ACOX3: variants seen among roughly 807,000 people sequenced by gnomAD.
ACOX3 encodes the protein peroxisomal acyl-coenzyme A oxidase 3.
A neutral mutation model predicts 81.5 loss-of-function variants in ACOX3; 73 were observed. The ratio of observed to expected loss-of-function variants is 0.90; its 90% confidence interval spans 0.74 to 1.09. The LOEUF (loss-of-function observed/expected upper bound fraction) is 1.09, where lower values mean the gene tolerates loss of function less well. Among genes scored for constraint, ACOX3 ranks in the 50% least tolerant of loss-of-function variants. The pLI, the probability that ACOX3 is intolerant of heterozygous loss-of-function variation, is 0.00. For synonymous variants in ACOX3, 387 were observed against 375.1 expected, an observed-to-expected ratio of 1.03 and a Z score of -0.37; for missense variants, 947 against 928.0, an observed-to-expected ratio of 1.02 and a Z score of -0.27.
At chr4:8,401,377 C>T (rs561847083) in intron 7 of ACOX3, among the ~76,000 whole-genome samples, 15 of 152,160 alleles carry the variant, frequency 9.9e-5, no homozygotes, top group African/African-American at 3.1e-4. Flanking sequence ...CCGTTTCCTG[C>T]GTGGGCTCTT....
intron 8 of ACOX3, among the ~76,000 whole-genome samples, chr4:8,397,646 G>A (rs903344653): frequency 2.6e-5 from 4 of 152,204 alleles, no homozygotes; most frequent in East Asian, 1.9e-4. Flanking sequence ...CATCAGCGGC[G>A]TCAGCAGAGG....
intron 1 of ACOX3, among the ~76,000 whole-genome samples, chr4:8,425,583 C>G (rs1203496143): frequency 6.7e-6 from 1 of 149,670 alleles, no homozygotes; most frequent in Non-Finnish European, 1.5e-5. Flanking sequence ...GAAATAATCC[C>G]CTGCCTTATC....
intron 1 of ACOX3, among the ~76,000 whole-genome samples, chr4:8,418,553 C>G (rs1020220658): frequency 2.6e-5 from 4 of 151,694 alleles, no homozygotes; most frequent in Non-Finnish European, 5.9e-5. Context: ...GACATTTCTC[C>G]AAAGACAGAC....
At chr4:8,378,177 T>G (rs1717202610) in intron 14 of ACOX3, among the ~76,000 whole-genome samples, 2 of 152,162 alleles carry the variant, frequency 1.3e-5, no homozygotes, top group Admixed American at 1.3e-4. Flanking sequence ...CAATGCATAC[T>G]TCAGGCAAAA....
rs549009226 is a variant in ACOX3, at chr4:8,407,912, G to C, written c.688-1869C>G. On this transcript the variant is annotated intron_variant, in intron 6 of 17. Transcript: ENST00000356406. This position sits in a 1 kb window ranked among gnomAD's most constrained non-coding sequence, Gnocchi z 4.6. ...ACGGGTGGTGTCTGGAGAGATTCTGGTTGTGTTAACTGCAGGAAGCTATGG... is the reference window on the plus strand; with the variant it reads ...ACGGGTGGTGTCTGGAGAGATTCTGCTTGTGTTAACTGCAGGAAGCTATGG... Among the ~76,000 whole-genome samples the C allele has an allele frequency of 6.6e-6, 1 of 152,310 alleles. No homozygotes were observed. The highest frequency in any genetic ancestry group is 2.1e-4 in the South Asian group (1 of 4,832).
rs1451397869 is a variant in ACOX3 at position 8,432,514 on chromosome 4, T to TGA, written c.-15+8132_-15+8133dup. Among the ~76,000 whole-genome samples, 2 of 151,042 alleles carry TGA rather than the reference T, an allele frequency of 1.3e-5. No individual in the cohort carries two copies. Among genetic ancestry groups the TGA allele is most frequent in the Admixed American group, 6.6e-5 (1 of 15,156 alleles). ...TCCCAATGTGCTGGGATTACAGGCGTGAGCCACCGCGCCCGGCCTGATTTT... is the reference window on the plus strand; with the variant it reads ...TCCCAATGTGCTGGGATTACAGGCGTGAGAGCCACCGCGCCCGGCCTGATTTT... On this transcript the variant is annotated intron_variant, in intron 1 of 17. Transcript: ENST00000356406. This position sits in a 1 kb window ranked among gnomAD's most constrained non-coding sequence, Gnocchi z 6.2.
chr4:8,421,273 A>C (rs767456792), intron 1 of ACOX3, among the ~76,000 whole-genome samples: 3 of 152,216 alleles, frequency 2.0e-5, no homozygotes, highest in Non-Finnish European at 4.4e-5. Context: ...TGGCCACCGG[A>C]CTTAAGACTC....
chr4:8,374,694 T>G (rs931164206), intron 15 of ACOX3: 14 of 343,768 alleles, frequency 4.1e-5, no homozygotes, highest in Non-Finnish European at 7.4e-5. Context: ...TTCTGCTCTC[T>G]GCAGAGCCCG....
rs189151199 is a variant in ACOX3 at position 8,425,999 on chromosome 4, G to A, written c.-14-9464C>T. On this transcript the variant is annotated intron_variant, in intron 1 of 17. Coordinates refer to ENST00000356406, the MANE Select transcript of ACOX3 (RefSeq NM_003501.3). ...AAAGCTAACTCAGGAAACCCACCTCGCATGGCCTGCTCTGTTGCCCATAGC... is the reference window on the plus strand; with the variant it reads ...AAAGCTAACTCAGGAAACCCACCTCACATGGCCTGCTCTGTTGCCCATAGC... 6.6e-5 allele frequency among the ~76,000 whole-genome samples: 10 copies of A among 152,122 alleles called. No individual in the cohort carries two copies. The East Asian group carries it at 7.7e-4, about 12-fold the overall frequency.
At position 8,412,375 on chromosome 4, in the gene ACOX3, C is replaced by G. The variant is rs115679298; in HGVS notation, c.543+1917G>C. 3.9e-3 allele frequency among the ~76,000 whole-genome samples: 591 copies of G among 152,112 alleles called. 4 individuals are homozygous for G. The highest frequency in any genetic ancestry group is 0.014 in the African/African-American group (575 of 41,468). On this transcript the variant is annotated intron_variant, in intron 5 of 17. Coordinates refer to ENST00000356406, the MANE Select transcript of ACOX3 (RefSeq NM_003501.3). ...TTCCATGCAGTACCCCAGGCACAGT[C>G]CACACAGCCCAGGCTGTGGAATGAA...
intron 1 of ACOX3, among the ~76,000 whole-genome samples, chr4:8,439,780 G>C (rs575881771): frequency 1.4e-4 from 21 of 152,150 alleles, no homozygotes; most frequent in Non-Finnish European, 2.9e-4. Context: ...CTCCCAAAGA[G>C]ACTCAAAGTA....
At chr4:8,436,430 T>C (rs1397959924) in intron 1 of ACOX3, 2 of 152,196 alleles carry the variant, frequency 1.3e-5, no homozygotes, top group African/African-American at 2.4e-5. Flanking sequence ...TGACTCTCAG[T>C]ATGCCTGTTT....
rs1248661437 is a variant in ACOX3, at chr4:8,370,289, G to T, written c.1983+619C>A. 6.6e-6 allele frequency among the ~76,000 whole-genome samples: 1 copy of T among 152,158 alleles called. No individual in the cohort carries two copies. The highest frequency in any genetic ancestry group is 1.5e-5 in the Non-Finnish European group (1 of 68,018). ...TGAAGGGCCTTGGAAGGATTCAGTG[G>T]CTGTGTGGGGCTGGGGCGTGGCAGG... On this transcript the variant is annotated intron_variant, in intron 17 of 17. Coordinates refer to ENST00000356406, the MANE Select transcript of ACOX3 (RefSeq NM_003501.3). The surrounding 1 kb of genome is among the most constrained non-coding windows in gnomAD (Gnocchi z 6.3).
chr4:8,398,861 T>C (rs1720021226), intron 8 of ACOX3, among the ~76,000 whole-genome samples: 2 of 152,216 alleles, frequency 1.3e-5, no homozygotes, highest in Admixed American at 1.3e-4. Flanking sequence ...TTATCCCAAA[T>C]GCTGTGCCTG....
Position 8,430,843 on chromosome 4 carries a change from T to A in ACOX3, c.-15+9805A>T, listed in dbSNP as rs1560209457. Among the ~76,000 whole-genome samples, 1 of 151,732 alleles carries A rather than the reference T, an allele frequency of 6.6e-6. No homozygotes were observed. Among genetic ancestry groups the A allele is most frequent in the East Asian group, 1.9e-4 (1 of 5,180 alleles). ...TGCACTCCAGCCTGGGTGACAAGAG[T>A]GAAACTCCATCTCAAAAAATAAAAA... On this transcript the variant is annotated intron_variant, in intron 1 of 17. Transcript: ENST00000356406. The surrounding 1 kb of genome is among the most constrained non-coding windows in gnomAD (Gnocchi z 5.2).
At chr4:8,420,314 G>A (rs1412879359) in intron 1 of ACOX3, among the ~76,000 whole-genome samples, 1 of 152,190 alleles carries the variant, frequency 6.6e-6, no homozygotes. Flanking sequence ...CTTTCTAGCT[G>A]GGTGACCTTC....
intron 6 of ACOX3, 26 bp downstream of exon 6, chr4:8,410,186 C>T: frequency 1.2e-6 from 2 of 1,606,988 alleles, no homozygotes; most frequent in Non-Finnish European, 1.7e-6. Flanking sequence ...ACACTGCCCC[C>T]ACTGAGGGCC....
At chr4:8,434,674 A>G (rs1212105165) in intron 1 of ACOX3, among the ~76,000 whole-genome samples, 1 of 152,086 alleles carries the variant, frequency 6.6e-6, no homozygotes, top group African/African-American at 2.4e-5. Flanking sequence ...GAACTTGCAC[A>G]CTCCATTTGA....
Position 8,375,123 on chromosome 4 carries a change from G to A in ACOX3, c.1683C>T (p.Ala561=). Residue 561 remains alanine (A), a synonymous_variant, in exon 15 of 18, where the codon GCC becomes GCT. Coordinates refer to ENST00000356406, the MANE Select transcript of ACOX3 (RefSeq NM_003501.3). Reference sequence around the variant, plus strand: ...TCTGGACCACCGTGAGCTCCACGAAGGCCAGCGCCAACGGACGGCCGTGGG... The same window carrying A: ...TCTGGACCACCGTGAGCTCCACGAAAGCCAGCGCCAACGGACGGCCGTGGG... The part of the protein sequence containing the change: ...QVSHGRPLAL[A]FVELTVVQRF... 4 of 1,552,960 alleles carry A rather than the reference G, an allele frequency of 2.6e-6. No individual in the cohort carries two copies. Among genetic ancestry groups the A allele is most frequent in the Non-Finnish European group, 3.5e-6 (4 of 1,147,606 alleles).
Sources: allele counts gnomAD v4.1 joint callset (sites outside exome capture counted in the v4.1 genomes callset), GRCh38; gene constraint gnomAD v4.1.1; non-coding constraint Gnocchi (gnomAD v3.1); transcripts MANE v1.5; gene names NCBI Gene and HGNC (gene_info 2026-07-23, HGNC 2026-07-21).